Variants in CLMN observed in about 807,000 individuals in gnomAD.
CLMN encodes calmin (calponin-like, transmembrane).
In CLMN, 57 loss-of-function variants were observed where a neutral mutation model predicts 92.7. That is an observed-to-expected ratio of 0.61 (90% CI 0.50 to 0.77). CLMN has a LOEUF of 0.77. CLMN is among the 30% of genes least tolerant of loss of function. The probability of loss-of-function intolerance (pLI) is 0.00; values close to 1 mark genes in which losing one functional copy is unlikely to be tolerated. For missense variants in CLMN, 1,158 were observed against 1,237.5 expected (o/e 0.94, Z 0.96); for synonymous variants, 466 against 470.6 (o/e 0.99, Z 0.13).
intron 1 of CLMN, among the ~76,000 whole-genome samples, chr14:95,268,794 CTTTTT>C (rs985091508): frequency 4.0e-4 from 25 of 63,098 alleles, no homozygotes; most frequent in African/African-American, 1.7e-3. Flanking sequence ...CTCTCTCTCT[CTTTTT>C]TTTTTTTTTT....
intron 1 of CLMN, 24 bp downstream of exon 1, chr14:95,319,687 C>T (rs751281834): frequency 8.8e-6 from 14 of 1,583,952 alleles, no homozygotes; most frequent in South Asian, 1.1e-5. Flanking sequence ...CCAGCCATCC[C>T]GGGGCGAGCC....
chr14:95,198,986 C>T (rs553056087), intron 9 of CLMN: 1 of 152,258 alleles, frequency 6.6e-6, no homozygotes, highest in South Asian at 2.1e-4. Flanking sequence ...GGACTGGGTT[C>T]CTCTCCCTGG....
chr14:95,226,554 G>C (rs1302995857), intron 2 of CLMN, among the ~76,000 whole-genome samples: 2 of 151,952 alleles, frequency 1.3e-5, no homozygotes, highest in East Asian at 3.9e-4. Flanking sequence ...CTGGGAGCAG[G>C]GTCCAGAAAC....
At position 95,264,198 on chromosome 14, in the gene CLMN, C is replaced by T. The variant is rs564227559; in HGVS notation, c.83-34065G>A. On this transcript the variant is annotated intron_variant, in intron 1 of 12. Transcript: ENST00000298912. ...GGAACTACAGGCATGCATCAATATGCCTGGCTAATTTTTGTAATTTTTGTA... is the reference window on the plus strand; with the variant it reads ...GGAACTACAGGCATGCATCAATATGTCTGGCTAATTTTTGTAATTTTTGTA... Among the ~76,000 whole-genome samples the T allele has an allele frequency of 5.3e-5, 8 of 152,100 alleles. No individual in the cohort carries two copies. In the East Asian group the frequency reaches 1.4e-3, roughly 26 times the overall value.
intron 1 of CLMN, among the ~76,000 whole-genome samples, chr14:95,255,182 T>G (rs1295545320): frequency 6.6e-6 from 1 of 152,180 alleles, no homozygotes; most frequent in Non-Finnish European, 1.5e-5. Context: ...GGAAGCCCCC[T>G]GCCGGCACCT....
chr14:95,312,016 G>A (rs537122456), intron 1 of CLMN, among the ~76,000 whole-genome samples: 1 of 152,242 alleles, frequency 6.6e-6, no homozygotes, highest in Non-Finnish European at 1.5e-5. Context: ...CGTGACCAGA[G>A]CCCTGGTCTG....
At chr14:95,265,402 T>C (rs10130963) in intron 1 of CLMN, among the ~76,000 whole-genome samples, 19,673 of 152,140 alleles carry the variant, frequency 0.13, 1,875 homozygotes, top group African/African-American at 0.26. Context: ...AACTGCAACT[T>C]TTCCTTGCGT....
intron 1 of CLMN, among the ~76,000 whole-genome samples, chr14:95,281,950 A>G (rs528759118): frequency 1.1e-4 from 17 of 152,244 alleles, no homozygotes; most frequent in Non-Finnish European, 2.4e-4. Flanking sequence ...GGGCTCCACC[A>G]CCCTTCAATT....
intron 1 of CLMN, among the ~76,000 whole-genome samples, chr14:95,296,968 C>A (rs911357829): frequency 2.0e-5 from 3 of 152,134 alleles, no homozygotes; most frequent in Non-Finnish European, 4.4e-5. Context: ...AAGAGAACAC[C>A]TTCTGTTGGA....
chr14:95,314,226 T>A (rs186388035), intron 1 of CLMN, among the ~76,000 whole-genome samples: 153 of 152,330 alleles, frequency 1.0e-3, no homozygotes, highest in African/African-American at 3.6e-3. Flanking sequence ...CCTCCCTAGG[T>A]ACCTTCAACT....
At chr14:95,289,054 G>C (rs1057277902) in intron 1 of CLMN, among the ~76,000 whole-genome samples, 2 of 152,238 alleles carry the variant, frequency 1.3e-5, no homozygotes, top group East Asian at 3.8e-4. Context: ...ATCACTGGGA[G>C]GGGCACAGAG....
intron 1 of CLMN, among the ~76,000 whole-genome samples, chr14:95,237,851 AC>A (rs1342221924): frequency 2.6e-5 from 4 of 151,636 alleles, no homozygotes; most frequent in Non-Finnish European, 5.9e-5. Flanking sequence ...TCTCTGGGAA[AC>A]CCCTTCTCCT....
chr14:95,195,641 A>G (rs1896689070), intron 10 of CLMN, among the ~76,000 whole-genome samples: 1 of 152,264 alleles, frequency 6.6e-6, no homozygotes, highest in South Asian at 2.1e-4. Context: ...TGAGTCCAAG[A>G]CTCCCTAAGC....
chr14:95,262,385 G>T (rs749522992), intron 1 of CLMN, among the ~76,000 whole-genome samples: 4 of 152,134 alleles, frequency 2.6e-5, no homozygotes, highest in East Asian at 1.9e-4. Flanking sequence ...AAATAATCTA[G>T]AACAAGCAAA....
Position 95,252,821 on chromosome 14 carries a change from T to C in CLMN, c.83-22688A>G, listed in dbSNP as rs138412547. On this transcript the variant is annotated intron_variant, in intron 1 of 12. Coordinates refer to ENST00000298912, the MANE Select transcript of CLMN (RefSeq NM_024734.4). The stretch of plus-strand genomic sequence containing the variant: ...AATATTCAGTGAGTGCTGTCACGTG[T>C]GATGCCGGGAGGGTAAAGCATCCTG... Among the ~76,000 whole-genome samples the C allele has an allele frequency of 4.0e-3, 613 of 152,290 alleles. 4 individuals are homozygous for C. The highest frequency in any genetic ancestry group is 0.014 in the African/African-American group (576 of 41,558).
At chr14:95,238,408 G>T (rs564483850) in intron 1 of CLMN, among the ~76,000 whole-genome samples, 3 of 152,076 alleles carry the variant, frequency 2.0e-5, no homozygotes, top group African/African-American at 7.3e-5. Flanking sequence ...GGCTCTGGCG[G>T]TATTAAAGTC....
chr14:95,213,144 A>T, intron 6 of CLMN, 75 bp downstream of exon 6: 1 of 1,499,428 alleles, frequency 6.7e-7, no homozygotes, highest in Non-Finnish European at 9.2e-7. Context: ...ACCTTAATAA[A>T]TACTAATTCT....
intron 1 of CLMN, among the ~76,000 whole-genome samples, chr14:95,278,671 T>C (rs1900027384): frequency 6.6e-6 from 1 of 152,222 alleles, no homozygotes; most frequent in South Asian, 2.1e-4. Flanking sequence ...ATGAGAGATA[T>C]AGCCTTGATA....
In CLMN at chr14:95,196,531, T is replaced by C; in HGVS notation, c.2675A>G (p.Glu892Gly). The C allele has an allele frequency of 6.2e-7, 1 of 1,613,880 alleles. No homozygotes were observed. Among genetic ancestry groups the C allele is most frequent in the South Asian group, 1.1e-5 (1 of 90,996 alleles). The stretch of plus-strand genomic sequence containing the variant: ...AATGCTGTAGTCGCTACTGTCTTCT[T>C]CTAGGTCATCTGAGGATTGAACACT... ...PGSVQSSDDLEEDSSDYSIPS... is the reference protein window; with the variant it reads ...PGSVQSSDDLGEDSSDYSIPS... Residue 892 changes from glutamate (E) to glycine (G), a missense_variant, in exon 10 of 13, where the codon GAA (glutamate) becomes GGA (glycine). Physicochemically the swap from Glu to Gly is moderately conservative, Grantham distance 98. Coordinates refer to ENST00000298912, the MANE Select transcript of CLMN (RefSeq NM_024734.4).
Sources: allele counts gnomAD v4.1 joint callset (sites outside exome capture counted in the v4.1 genomes callset), GRCh38; gene constraint gnomAD v4.1.1; transcripts MANE v1.5; gene names NCBI Gene and HGNC (gene_info 2026-07-23, HGNC 2026-07-21).